Variants in TRPM3 observed in about 807,000 individuals in gnomAD.
The protein encoded by TRPM3 is long transient receptor potential channel 3.
TRPM3 carries 77 observed loss-of-function variants against 181.2 expected under a neutral mutation model. The ratio of observed to expected loss-of-function variants is 0.42; its 90% CI spans 0.35 to 0.51. The LOEUF (loss-of-function observed/expected upper bound fraction) is 0.51, where lower values mean the gene tolerates loss of function less well. Ranked by LOEUF, TRPM3 falls within the 20% of genes least tolerant of loss-of-function variation. TRPM3 has a pLI of 0.01. For missense variants in TRPM3, 1,759 were observed against 2,196.7 expected (o/e 0.80, Z 3.98); for synonymous variants, 745 against 796.4 (o/e 0.94, Z 1.09).
rs2060327606 is a variant in TRPM3 at position 70,656,315 on chromosome 9, G to T, written c.1346-15655C>A. ...GTTTAATAAATAAGATACTCATATTGGTTTAATGGAAACAACTACATCTTG... is the reference window on the plus strand; with the variant it reads ...GTTTAATAAATAAGATACTCATATTTGTTTAATGGAAACAACTACATCTTG... On this transcript the variant is annotated intron_variant, in intron 9 of 25. Coordinates refer to ENST00000677713, the MANE Select transcript of TRPM3 (RefSeq NM_001366145.2). 2.0e-5 allele frequency among the ~76,000 whole-genome samples: 3 copies of T among 152,134 alleles called. No individual in the cohort carries two copies. In the South Asian group the frequency reaches 6.2e-4, roughly 32 times the overall value.
intron 18 of TRPM3, among the ~76,000 whole-genome samples, chr9:70,611,301 C>T (rs563064516): frequency 6.6e-6 from 1 of 152,188 alleles, no homozygotes; most frequent in Non-Finnish European, 1.5e-5. Context: ...ACCCAAATCT[C>T]ATCTTGAATT....
At chr9:70,879,010 A>G (rs946822604) in intron 1 of TRPM3, among the ~76,000 whole-genome samples, 1 of 152,118 alleles carries the variant, frequency 6.6e-6, no homozygotes, top group Admixed American at 6.6e-5. Flanking sequence ...TATGTCATAC[A>G]TTGGTCTAAT....
chr9:71,324,623 A>G (rs2089513523), intron 1 of TRPM3, among the ~76,000 whole-genome samples: 1 of 152,104 alleles, frequency 6.6e-6, no homozygotes. Context: ...CTGGGTATCT[A>G]TTCAAAGGAA....
intron 1 of TRPM3, among the ~76,000 whole-genome samples, chr9:71,415,820 A>G (rs926119636): frequency 6.6e-6 from 1 of 151,870 alleles, no homozygotes; most frequent in Non-Finnish European, 1.5e-5. Context: ...TTATGGTACA[A>G]AGATTTTTAT....
At chr9:70,880,494 C>T (rs1389827946) in intron 1 of TRPM3, among the ~76,000 whole-genome samples, 1 of 151,990 alleles carries the variant, frequency 6.6e-6, no homozygotes, top group African/African-American at 2.4e-5. Context: ...TTAGAAAATT[C>T]TATATTTTCT....
At chr9:71,078,350 T>C (rs2133693488) in intron 1 of TRPM3, among the ~76,000 whole-genome samples, 1 of 152,296 alleles carries the variant, frequency 6.6e-6, no homozygotes, top group Admixed American at 6.5e-5. Context: ...TAAAGTATCT[T>C]CCCATGTGTA....
chr9:71,350,094 G>A (rs923742430), intron 1 of TRPM3, among the ~76,000 whole-genome samples: 4 of 151,692 alleles, frequency 2.6e-5, no homozygotes, highest in Admixed American at 1.3e-4. Flanking sequence ...ATGGATTGGA[G>A]ACTGTATCAA....
rs117917463 is a variant in TRPM3, at chr9:71,083,678, G to A, written c.177+37500C>T. On this transcript the variant is annotated intron_variant, in intron 1 of 25. Coordinates refer to ENST00000677713, the MANE Select transcript of TRPM3 (RefSeq NM_001366145.2). ...CATTAAAGGGCATTTATTGTAACCA[G>A]TGTTGCATAAAAGTCCCCAAAATGT... Among the ~76,000 whole-genome samples, 9 of 150,548 alleles carry A rather than the reference G, an allele frequency of 6.0e-5. 1 individual carries two copies. Among genetic ancestry groups the A allele is most frequent in the Admixed American group, 5.3e-4 (8 of 14,980 alleles).
chr9:70,650,860 A>C (rs983676706), intron 9 of TRPM3, among the ~76,000 whole-genome samples: 1 of 152,198 alleles, frequency 6.6e-6, no homozygotes, highest in African/African-American at 2.4e-5. Flanking sequence ...TTGCTGCCTC[A>C]TCTACTCTTA....
chr9:71,304,101 T>C (rs1029954366), intron 1 of TRPM3, among the ~76,000 whole-genome samples: 1 of 152,082 alleles, frequency 6.6e-6, no homozygotes, highest in Non-Finnish European at 1.5e-5. Flanking sequence ...ATACACAAAA[T>C]TGTTAGCTTG....
intron 1 of TRPM3, among the ~76,000 whole-genome samples, chr9:71,061,934 C>T (rs2061380298): frequency 6.6e-6 from 1 of 151,962 alleles, no homozygotes; most frequent in Admixed American, 6.6e-5. Flanking sequence ...GACATAGATC[C>T]TGTGACCCCA....
Position 70,535,568 on chromosome 9 carries a change from A to G in TRPM3, c.*385T>C, listed in dbSNP as rs73450134. 2,000 of 1,526,826 alleles carry G rather than the reference A, an allele frequency of 1.3e-3. 18 individuals carry two copies. In the African/African-American group the frequency reaches 0.025, roughly 19 times the overall value. The allele number at this position is 1,526,826 out of a possible 1,614,324, so 94.6% of individuals were successfully genotyped here. On this transcript the variant is annotated 3_prime_UTR_variant, in exon 26 of 26. Coordinates refer to ENST00000677713, the MANE Select transcript of TRPM3 (RefSeq NM_001366145.2). Reference sequence around the variant, plus strand: ...ATTTTGCAATTTAGCCCTGCATCCTACAACTCTTGATAATGGTCAGAAATC... The same window carrying G: ...ATTTTGCAATTTAGCCCTGCATCCTGCAACTCTTGATAATGGTCAGAAATC...
At chr9:71,406,174 T>C (rs1286990884) in intron 1 of TRPM3, among the ~76,000 whole-genome samples, 1 of 152,166 alleles carries the variant, frequency 6.6e-6, no homozygotes, top group African/African-American at 2.4e-5. Flanking sequence ...AGCCTATCTA[T>C]TTTGCTTACC....
upstream of TRPM3, among the ~76,000 whole-genome samples, chr9:71,125,282 G>T (rs1036733447): frequency 1.3e-5 from 2 of 152,108 alleles, no homozygotes; most frequent in Admixed American, 1.3e-4. Context: ...TGCCATGGTG[G>T]TTTTCTGCAC....
chr9:70,598,146 T>C (rs1355186246), intron 21 of TRPM3, among the ~76,000 whole-genome samples: 1 of 152,242 alleles, frequency 6.6e-6, no homozygotes, highest in Non-Finnish European at 1.5e-5. Flanking sequence ...AACATCTTTG[T>C]ATACCCAACT....
chr9:71,131,566 A>G (rs2074376736), intron 1 of TRPM3, among the ~76,000 whole-genome samples: 1 of 152,198 alleles, frequency 6.6e-6, no homozygotes, highest in African/African-American at 2.4e-5. Flanking sequence ...TGAACTAGCC[A>G]TGTTTGTTAT....
At chr9:71,264,986 A>G (rs2083290540) in intron 1 of TRPM3, among the ~76,000 whole-genome samples, 1 of 152,210 alleles carries the variant, frequency 6.6e-6, no homozygotes, top group Non-Finnish European at 1.5e-5. Context: ...TAGAGAAAGA[A>G]TGTTTTAACA....
chr9:71,135,839 G>C (rs2074732699), intron 1 of TRPM3, among the ~76,000 whole-genome samples: 1 of 152,184 alleles, frequency 6.6e-6, no homozygotes, highest in African/African-American at 2.4e-5. Flanking sequence ...GAATGAAACA[G>C]AGTCATACTT....
intron 1 of TRPM3, among the ~76,000 whole-genome samples, chr9:70,995,375 T>C (rs567634722): frequency 1.1e-3 from 161 of 152,350 alleles, no homozygotes; most frequent in African/African-American, 3.7e-3. Flanking sequence ...GATTACTTAC[T>C]GCTTTTAACT....
Sources: allele counts gnomAD v4.1 joint callset (sites outside exome capture counted in the v4.1 genomes callset), GRCh38; gene constraint gnomAD v4.1.1; transcripts MANE v1.5; gene names NCBI Gene and HGNC (gene_info 2026-07-23, HGNC 2026-07-21).